ASCC1: variants seen among roughly 807,000 people sequenced by gnomAD.
ASCC1 encodes activating signal cointegrator 1 complex subunit 1, also known as ASC-1 complex subunit P50.
Under a neutral mutation model 46.6 loss-of-function variants are expected in ASCC1, and 35 were observed. That is an observed-to-expected ratio of 0.75 (90% CI 0.57 to 0.99). ASCC1 has a LOEUF of 0.99. ASCC1 is among the 50% of genes least tolerant of loss of function. The pLI is 0.00. For missense variants in ASCC1, 376 were observed against 428.7 expected (o/e 0.88, Z 1.09); for synonymous variants, 143 against 146.6 (o/e 0.98, Z 0.18).
intron 5 of ASCC1, among the ~76,000 whole-genome samples, chr10:72,196,545 G>A (rs1040971898): frequency 7.2e-5 from 11 of 151,984 alleles, no homozygotes; most frequent in Non-Finnish European, 1.5e-4. Flanking sequence ...GCCTCCCAAT[G>A]TGCTGGGATT....
intron 5 of ASCC1, among the ~76,000 whole-genome samples, chr10:72,176,214 T>C (rs532596004): frequency 1.3e-5 from 2 of 152,328 alleles, no homozygotes; most frequent in African/African-American, 2.4e-5. Context: ...ACAGTATCGA[T>C]AGCCTCCCAA....
At chr10:72,102,146 A>G (rs994434940) in intron 9 of ASCC1, among the ~76,000 whole-genome samples, 4 of 152,194 alleles carry the variant, frequency 2.6e-5, no homozygotes, top group African/African-American at 9.7e-5. Context: ...AATAAAAATT[A>G]CAAAAGAAAC....
chr10:72,119,325 T>G (rs1213695813), intron 9 of ASCC1, among the ~76,000 whole-genome samples: 1 of 152,220 alleles, frequency 6.6e-6, no homozygotes, highest in Non-Finnish European at 1.5e-5. Flanking sequence ...TACCAGAGCC[T>G]AACCTGCTGG....
chr10:72,204,633 A>G (rs2133393668), intron 3 of ASCC1: 1 of 1,219,304 alleles, frequency 8.2e-7, no homozygotes, highest in Non-Finnish European at 1.1e-6. Context: ...ACAGTACCCA[A>G]TTCTACGGAT....
chr10:72,166,668 T>A (rs1850386623), intron 5 of ASCC1, among the ~76,000 whole-genome samples: 1 of 151,882 alleles, frequency 6.6e-6, no homozygotes, highest in South Asian at 2.1e-4. Flanking sequence ...GAGAAAAATA[T>A]TTGGGAGAAA....
At chr10:72,132,974 T>G in intron 8 of ASCC1, 83 bp downstream of exon 8, 4 of 1,568,340 alleles carry the variant, frequency 2.6e-6, no homozygotes, top group Non-Finnish European at 3.5e-6. Flanking sequence ...CAGAGATTCT[T>G]TGATAGCTCA....
At chr10:72,196,176 GC>G (rs1855391523) in intron 5 of ASCC1, among the ~76,000 whole-genome samples, 1 of 151,776 alleles carries the variant, frequency 6.6e-6, no homozygotes, top group African/African-American at 2.4e-5. Context: ...AGCCATGACC[GC>G]CCAAAGTCAG....
intron 4 of ASCC1, among the ~76,000 whole-genome samples, chr10:72,200,176 A>G (rs1356219583): frequency 6.6e-6 from 1 of 152,140 alleles, no homozygotes; most frequent in Non-Finnish European, 1.5e-5. Context: ...CCACGTTATA[A>G]TTTTACTGCA....
chr10:72,126,179 A>G (rs180740977), intron 9 of ASCC1, among the ~76,000 whole-genome samples: 1 of 152,260 alleles, frequency 6.6e-6, no homozygotes, highest in Admixed American at 6.5e-5. Flanking sequence ...GTGAGTTTTG[A>G]GTCTTTCTTT....
chr10:72,166,434 A>G (rs1485180781), intron 5 of ASCC1, among the ~76,000 whole-genome samples: 1 of 151,656 alleles, frequency 6.6e-6, no homozygotes, highest in African/African-American at 2.4e-5. Flanking sequence ...CCAGTTCAAG[A>G]CCAGCCTGGC....
At chr10:72,102,603 C>G (rs1934263631) in intron 9 of ASCC1, among the ~76,000 whole-genome samples, 1 of 152,096 alleles carries the variant, frequency 6.6e-6, no homozygotes, top group Non-Finnish European at 1.5e-5. Context: ...TTTACCATGT[C>G]AACTTTAATT....
chr10:72,096,082 TCTCA>T lies in ASCC1; in HGVS notation c.*1248_*1251del, dbSNP rs1841062094. On this transcript the variant is annotated 3_prime_UTR_variant, in exon 10 of 10. Transcript: ENST00000672957. ...TGATTTGTGCAGTCCCAATAATAAA[TCTCA>T]CTGTTAGACACAGTCCTCACAATGT... The T allele has an allele frequency of 4.4e-6, 2 of 452,834 alleles. No homozygotes were observed. Among genetic ancestry groups the T allele is most frequent in the Non-Finnish European group, 8.9e-6 (2 of 225,976 alleles). The allele number at this position is 452,834 out of a possible 1,614,324, so 28.1% of individuals were successfully genotyped here.
intron 7 of ASCC1, among the ~76,000 whole-genome samples, chr10:72,148,797 T>C (rs1199071361): frequency 6.6e-6 from 1 of 152,278 alleles, no homozygotes; most frequent in South Asian, 2.1e-4. Flanking sequence ...TGGATTTTAA[T>C]GTAAGAGAGT....
chr10:72,096,883 A>G lies in ASCC1; in HGVS notation c.*451T>C, dbSNP rs1841147386. 2.2e-6 allele frequency: 1 copy of G among 454,044 alleles called. No individual in the cohort carries two copies. Among genetic ancestry groups the G allele is most frequent in the Admixed American group, 2.3e-5 (1 of 42,562 alleles). The allele number at this position is 454,044 out of a possible 1,614,324, so 28.1% of individuals were successfully genotyped here. A position where few individuals can be genotyped will look rare whatever the true frequency, so the allele number is the denominator to read the frequency against. ...AGTCAAAACCAGAGAGACAGAAAGC[A>G]GAATGGTGGCTGCGGGGGCTGGGAG... is the stretch of plus-strand genomic sequence containing the variant. On this transcript the variant is annotated 3_prime_UTR_variant, in exon 10 of 10. Transcript: ENST00000672957.
rs11297879 is a variant in ASCC1, at chr10:72,149,437, C to CAAA, written c.746+3429_746+3431dup. On this transcript the variant is annotated intron_variant, in intron 7 of 9. Transcript: ENST00000672957. ...TGGGCGACAGAGCGAGACTCCGTCA[C>CAAA]AAAAAAAAAAAAAAAAAAAAAAAAA... Among the ~76,000 whole-genome samples the CAAA allele has an allele frequency of 3.4e-3, 181 of 52,694 alleles. 20 individuals carry two copies. The highest frequency in any genetic ancestry group is 0.029 in the Admixed American group (96 of 3,270). The allele number at this position is 52,694 out of a possible 152,430, so 34.6% of individuals were successfully genotyped here. A position where few individuals can be genotyped will look rare whatever the true frequency, so the allele number is the denominator to read the frequency against.
chr10:72,185,002 A>G (rs1459802102), intron 5 of ASCC1, among the ~76,000 whole-genome samples: 1 of 152,242 alleles, frequency 6.6e-6, no homozygotes, highest in Non-Finnish European at 1.5e-5. Context: ...ACAAATGGCC[A>G]ATGAGCACAT....
chr10:72,195,138 T>TG (rs1855178396), intron 5 of ASCC1, among the ~76,000 whole-genome samples: 5 of 115,876 alleles, frequency 4.3e-5, no homozygotes, highest in South Asian at 2.8e-4. Context: ...TTTTTTGCTG[T>TG]GTTTTTTTTT....
At chr10:72,160,885 C>T (rs934483273) in intron 6 of ASCC1, among the ~76,000 whole-genome samples, 7 of 151,034 alleles carry the variant, frequency 4.6e-5, no homozygotes, top group African/African-American at 1.5e-4. Context: ...AGATCAAGAC[C>T]ATCCTGGCTA....
intron 5 of ASCC1, among the ~76,000 whole-genome samples, chr10:72,183,044 CTTT>C (rs1359356933): frequency 1.5e-5 from 2 of 135,368 alleles, no homozygotes; most frequent in Admixed American, 7.4e-5. Flanking sequence ...CAAAAAATTT[CTTT>C]TTTTTTTTTT....
Sources: gnomAD v4.1 joint callset for allele counts (sites outside exome capture counted in the v4.1 genomes callset) on GRCh38, gnomAD v4.1.1 for gene constraint, MANE v1.5 for transcripts, NCBI Gene and HGNC (gene_info 2026-07-23, HGNC 2026-07-21) for gene names.